The following BARD1 variants were observed in gnomAD, a reference collection of about 807,000 sequenced individuals.
BARD1 encodes BRCA1-associated RING domain protein 1.
Under a neutral mutation model 77.0 loss-of-function variants are expected in BARD1, and 73 were observed. That is an observed-to-expected ratio of 0.95 (90% CI 0.79 to 1.15). The LOEUF (loss-of-function observed/expected upper bound fraction) is 1.15, where lower values mean the gene tolerates loss of function less well. BARD1 is among the 50% of genes most tolerant of loss of function. BARD1 has a pLI of 0.00. For missense variants in BARD1, 993 were observed against 938.8 expected, an observed-to-expected ratio of 1.06 and a Z score of -0.75; for synonymous variants, 384 against 338.0, an observed-to-expected ratio of 1.14 and a Z score of -1.49.
chr2:214,758,120 A>C (rs1267924351), intron 6 of BARD1, among the ~76,000 whole-genome samples: 2 of 152,184 alleles, frequency 1.3e-5, no homozygotes, highest in Non-Finnish European at 2.9e-5. Flanking sequence ...AATCATTGTA[A>C]GCAGGAGGGA....
chr2:214,773,320 T>C (rs993497537), intron 4 of BARD1, among the ~76,000 whole-genome samples: 7 of 152,308 alleles, frequency 4.6e-5, no homozygotes, highest in African/African-American at 1.7e-4. Flanking sequence ...TGGTTAAGCC[T>C]TTCCATGTAA....
chr2:214,771,456 G>A (rs13416597), intron 4 of BARD1, among the ~76,000 whole-genome samples: 13,081 of 151,792 alleles, frequency 0.086, 674 homozygotes, highest in African/African-American at 0.14. Flanking sequence ...CTGGCCAGAC[G>A]TGGTGGCTCA....
chr2:214,732,903 A>G (rs1692417650), intron 9 of BARD1, among the ~76,000 whole-genome samples: 1 of 152,206 alleles, frequency 6.6e-6, no homozygotes, highest in Non-Finnish European at 1.5e-5. Flanking sequence ...ATTTGGAGTA[A>G]GCGACAGAAC....
chr2:214,796,798 G>A (rs1338547727), intron 2 of BARD1: 3 of 465,568 alleles, frequency 6.4e-6, no homozygotes, highest in African/African-American at 3.9e-5. Context: ...TATATAAAAG[G>A]CATTAATTTT....
Position 214,805,871 on chromosome 2 carries a change from C to T in BARD1, c.158+3541G>A, listed in dbSNP as rs547566156. On this transcript the variant is annotated intron_variant, in intron 1 of 10. Transcript: ENST00000260947. ...TTACAATTGTCATAGATGTCTAATC[C>T]CACTCTCACCCTCAAAAATATGCCA... 2.8e-4 allele frequency among the ~76,000 whole-genome samples: 43 copies of T among 152,072 alleles called. No individual in the cohort carries two copies. In the South Asian group the frequency reaches 8.5e-3, roughly 30 times the overall value.
Position 214,728,558 on chromosome 2 carries a change from A to T in BARD1, c.*118T>A. ...TAGACTTTTTTTTTTTTTTTGATTC[A>T]AAGACAAATATGAATGACTCTACCT... On this transcript the variant is annotated 3_prime_UTR_variant, in exon 11 of 11. Coordinates refer to ENST00000260947, the MANE Select transcript of BARD1 (RefSeq NM_000465.4). 1 of 826,106 alleles carries T rather than the reference A, an allele frequency of 1.2e-6. No homozygotes were observed. 51.2% of individuals were successfully genotyped at this position (826,106 alleles called of 1,614,324 possible).
chr2:214,766,086 A>C (rs1694182052), intron 6 of BARD1, among the ~76,000 whole-genome samples: 1 of 152,190 alleles, frequency 6.6e-6, no homozygotes, highest in Admixed American at 6.5e-5. Context: ...TCAACTACTT[A>C]ATTAACTGAA....
chr2:214,784,272 GA>G (rs1310854924), intron 3 of BARD1, among the ~76,000 whole-genome samples: 2 of 151,544 alleles, frequency 1.3e-5, no homozygotes, highest in East Asian at 1.9e-4. Flanking sequence ...CAACAAACAC[GA>G]AAAAAAAGCT....
intron 6 of BARD1, among the ~76,000 whole-genome samples, chr2:214,761,357 G>A (rs1277420209): frequency 6.6e-6 from 1 of 150,660 alleles, no homozygotes; most frequent in Non-Finnish European, 1.5e-5. Context: ...CAAAATCCGA[G>A]GCAAAAAAAT....
At chr2:214,808,882 G>A (rs774004682) in intron 1 of BARD1, among the ~76,000 whole-genome samples, 2 of 152,212 alleles carry the variant, frequency 1.3e-5, no homozygotes, top group Non-Finnish European at 2.9e-5. Context: ...CTACAACTAT[G>A]GTAGATATCC....
At position 214,780,705 on chromosome 2, in the gene BARD1, A is replaced by T. The variant is rs137910152; in HGVS notation, c.1169T>A (p.Leu390His). 6.2e-7 allele frequency: 1 copy of T among 1,614,108 alleles called. No homozygotes were observed. The highest frequency in any genetic ancestry group is 1.3e-5 in the African/African-American group (1 of 75,050). Residue 390 changes from leucine to histidine, a missense_variant, in exon 4 of 11, where the codon CTT becomes CAT. Leu to His is a moderately conservative substitution (Grantham distance 99). Coordinates refer to ENST00000260947, the MANE Select transcript of BARD1 (RefSeq NM_000465.4). The part of the protein sequence containing the change: ...NSNMSDEFIS[L>H]SPGTPPSTLS... ...TGTAGAAGGTGGTGTACCTGGTGAA[A>T]GACTAATGAATTCATCGGACATGTT...
At chr2:214,729,782 G>A (rs181079365) in intron 10 of BARD1, among the ~76,000 whole-genome samples, 71 of 152,126 alleles carry the variant, frequency 4.7e-4, no homozygotes, top group African/African-American at 1.6e-3. Context: ...CATCTTTTCC[G>A]TGGACTTTTA....
intron 2 of BARD1, among the ~76,000 whole-genome samples, chr2:214,794,824 T>C (rs1187419505): frequency 6.6e-6 from 1 of 152,230 alleles, no homozygotes; most frequent in Non-Finnish European, 1.5e-5. Flanking sequence ...ACAGCTACCA[T>C]AATTTTTGGC....
intron 1 of BARD1, among the ~76,000 whole-genome samples, chr2:214,806,390 T>A (rs184518325): frequency 6.6e-6 from 1 of 152,244 alleles, no homozygotes; most frequent in East Asian, 1.9e-4. Flanking sequence ...GGGTAGCAAA[T>A]GGAAGAAGCA....
intron 6 of BARD1, among the ~76,000 whole-genome samples, chr2:214,755,944 C>A: frequency 6.6e-6 from 1 of 152,156 alleles, no homozygotes; most frequent in African/African-American, 2.4e-5. Context: ...TAGTACACGA[C>A]AGTATATTAA....
intron 1 of BARD1, among the ~76,000 whole-genome samples, chr2:214,801,849 CGG>C (rs11457040): frequency 0.19 from 21,112 of 113,850 alleles, 2,110 homozygotes; most frequent in Non-Finnish European, 0.2. Context: ...AAATATTTGG[CGG>C]GGGGGGGGGT....
chr2:214,747,547 T>C (rs1161659833), intron 7 of BARD1, among the ~76,000 whole-genome samples: 1 of 149,488 alleles, frequency 6.7e-6, no homozygotes, highest in Non-Finnish European at 1.5e-5. Flanking sequence ...TGAGTTCATG[T>C]CCTTTGTAGG....
chr2:214,733,641 A>G (rs1009078872), intron 9 of BARD1, among the ~76,000 whole-genome samples: 1 of 152,130 alleles, frequency 6.6e-6, no homozygotes, highest in Admixed American at 6.5e-5. Flanking sequence ...CTAATCCTGA[A>G]CTTTCATTAA....
In BARD1 at chr2:214,728,860, A is replaced by G. The variant is rs876658526; in HGVS notation, c.2150T>C (p.Ile717Thr). The G allele has an allele frequency of 6.2e-7, 1 of 1,614,150 alleles. No homozygotes were observed. Among genetic ancestry groups the G allele is most frequent in the African/African-American group, 1.3e-5 (1 of 75,028 alleles). ...TCTCGCATGGTATGCGACTGTATTG[A>G]TGGTCTGAGTCACGTCACTGTCTGG... Reference protein sequence around the residue: ...PKPDSDVTQTINTVAYHARPD... With the variant: ...PKPDSDVTQTTNTVAYHARPD... The change falls in exon 11 of 11, where the codon ATC becomes ACC. Residue 717 changes from isoleucine to threonine, a missense_variant. By Grantham distance (89) the Ile-to-Thr change is moderately conservative. Coordinates refer to ENST00000260947, the MANE Select transcript of BARD1 (RefSeq NM_000465.4).
Sources: allele counts gnomAD v4.1 joint callset (sites outside exome capture counted in the v4.1 genomes callset), GRCh38; gene constraint gnomAD v4.1.1; transcripts MANE v1.5; gene names NCBI Gene and HGNC (gene_info 2026-07-23, HGNC 2026-07-21).